KIF1B: variants seen among roughly 807,000 people sequenced by gnomAD.
The protein encoded by KIF1B is kinesin-like protein KIF1B.
In KIF1B, 76 loss-of-function variants were observed where a neutral mutation model predicts 241.9. The ratio of observed to expected loss-of-function variants is 0.31; its 90% CI spans 0.26 to 0.38. The LOEUF (loss-of-function observed/expected upper bound fraction) is 0.38, where lower values mean the gene tolerates loss of function less well. Ranked by LOEUF, KIF1B falls within the 10% of genes least tolerant of loss-of-function variation. The pLI, the probability that KIF1B is intolerant of heterozygous loss-of-function variation, is 1.00. For synonymous variants in KIF1B, 750 were observed against 796.7 expected (o/e 0.94, Z 0.99); for missense variants, 1,622 against 2,271.4 (o/e 0.71, Z 5.81).
chr1:10,300,461 T>C (rs1650487587), intron 22 of KIF1B, among the ~76,000 whole-genome samples: 1 of 150,608 alleles, frequency 6.6e-6, no homozygotes, highest in African/African-American at 2.5e-5. Flanking sequence ...AGATTTTACT[T>C]GAGTTGAGTT....
At chr1:10,215,168 ATATATTTTTTTT>A (rs1292089999) in intron 1 of KIF1B, among the ~76,000 whole-genome samples, 7 of 53,848 alleles carry the variant, frequency 1.3e-4, no homozygotes, top group African/African-American at 7.5e-4. Flanking sequence ...ATATATATAT[ATATATTTTTTTT>A]TTTTTTTTTT....
At chr1:10,254,253 C>G (rs965062633) in intron 2 of KIF1B, among the ~76,000 whole-genome samples, 17 of 152,160 alleles carry the variant, frequency 1.1e-4, no homozygotes, top group African/African-American at 2.4e-5. Flanking sequence ...GGTGAGACTT[C>G]ATGCATTTCA....
Position 10,303,534 on chromosome 1 carries a change from C to G in KIF1B, c.2115+6288C>G. 1 of 1,614,170 alleles carries G rather than the reference C, an allele frequency of 6.2e-7. No homozygotes were observed. Among genetic ancestry groups the G allele is most frequent in the Non-Finnish European group, 8.5e-7 (1 of 1,180,036 alleles). On this transcript the variant is annotated intron_variant, in intron 22 of 48. Transcript: ENST00000676179. This position sits in a 1 kb window ranked among gnomAD's most constrained non-coding sequence, Gnocchi z 5.2. ...GCAAGAAAGACCCCAATGAGCGGGA[C>G]TCCTGGAGGGCAGTGGCCAGGGACG... is the stretch of plus-strand genomic sequence containing the variant.
intron 17 of KIF1B, among the ~76,000 whole-genome samples, chr1:10,293,291 T>C (rs922986209): frequency 6.6e-6 from 1 of 152,168 alleles, no homozygotes; most frequent in Admixed American, 6.5e-5. Flanking sequence ...TAGGATTATA[T>C]AGATTTTAGC....
chr1:10,332,500 C>CTTTTT (rs1557719332), intron 27 of KIF1B, among the ~76,000 whole-genome samples: 2 of 97,838 alleles, frequency 2.0e-5, no homozygotes, highest in East Asian at 3.2e-4. Context: ...AGATAATAGT[C>CTTTTT]ATTTTTTTTT....
chr1:10,352,888 C>G (rs1288376425), intron 38 of KIF1B, 152 bp downstream of exon 38: 2 of 662,920 alleles, frequency 3.0e-6, no homozygotes, highest in Non-Finnish European at 5.5e-6. Context: ...ATTTCTTCAC[C>G]TGCCTGCTGT....
intron 14 of KIF1B, among the ~76,000 whole-genome samples, chr1:10,279,661 C>A (rs984435407): frequency 6.7e-6 from 1 of 148,750 alleles, no homozygotes; most frequent in Non-Finnish European, 1.5e-5. Context: ...TAACTTGGGC[C>A]TCGGAATGAT....
chr1:10,368,655 A>C (rs1164867008), intron 44 of KIF1B, 117 bp downstream of exon 44: 1 of 835,592 alleles, frequency 1.2e-6, no homozygotes, highest in African/African-American at 1.7e-5. Context: ...TGGGCATAGC[A>C]TTGTATTTGA....
intron 40 of KIF1B, among the ~76,000 whole-genome samples, chr1:10,362,453 G>A (rs1638448336): frequency 6.6e-6 from 1 of 150,574 alleles, no homozygotes; most frequent in South Asian, 2.1e-4. Context: ...TCCAGCCTGG[G>A]TGAAACAGTG....
chr1:10,300,237 AAATAATAAT>A (rs367822978), intron 22 of KIF1B, among the ~76,000 whole-genome samples: 25 of 143,912 alleles, frequency 1.7e-4, no homozygotes, highest in African/African-American at 5.3e-4. Flanking sequence ...ACTCAGTGTC[AAATAATAAT>A]AATAATAATA....
At chr1:10,251,624 C>T (rs758076010) in intron 2 of KIF1B, among the ~76,000 whole-genome samples, 2 of 151,562 alleles carry the variant, frequency 1.3e-5, no homozygotes, top group African/African-American at 4.9e-5. Context: ...ATCCTAGATA[C>T]GTGGCAGGCT....
Position 10,378,257 on chromosome 1 carries a change from G to A in KIF1B, c.*1670G>A. 1.4e-6 allele frequency: 1 copy of A among 714,236 alleles called. No homozygotes were observed. Among genetic ancestry groups the A allele is most frequent in the Non-Finnish European group, 2.6e-6 (1 of 383,910 alleles). 44.2% of individuals were successfully genotyped at this position (714,236 alleles called of 1,614,324 possible). A position where few individuals can be genotyped will look rare whatever the true frequency, so the allele number is the denominator to read the frequency against. On this transcript the variant is annotated 3_prime_UTR_variant, in exon 49 of 49. Coordinates refer to ENST00000676179, the MANE Select transcript of KIF1B (RefSeq NM_001365951.3). ...CCCCAGGCTTTGTTGCGTGTTCCCTGCTCCTCTCCATCTGGTGTGGAAACA... is the reference window on the plus strand; with the variant it reads ...CCCCAGGCTTTGTTGCGTGTTCCCTACTCCTCTCCATCTGGTGTGGAAACA...
intron 38 of KIF1B, among the ~76,000 whole-genome samples, chr1:10,353,088 A>G (rs1320198297): frequency 6.6e-6 from 1 of 152,128 alleles, no homozygotes; most frequent in Non-Finnish European, 1.5e-5. Flanking sequence ...CCAAGATTAA[A>G]TTTTTTCCTG....
At chr1:10,213,238 G>GA (rs1646721225) in intron 1 of KIF1B, among the ~76,000 whole-genome samples, 1 of 152,086 alleles carries the variant, frequency 6.6e-6, no homozygotes, top group Admixed American at 6.6e-5. Context: ...ACCTGATTGT[G>GA]AATCTGATAC....
intron 2 of KIF1B, among the ~76,000 whole-genome samples, chr1:10,240,560 C>CA (rs1419845584): frequency 3.3e-5 from 5 of 152,056 alleles, no homozygotes; most frequent in African/African-American, 1.2e-4. Context: ...AAATAGCACT[C>CA]AGAGTGCAGA....
At chr1:10,312,990 C>T (rs1016874182) in intron 22 of KIF1B, among the ~76,000 whole-genome samples, 8 of 151,632 alleles carry the variant, frequency 5.3e-5, no homozygotes, top group African/African-American at 7.3e-5. Flanking sequence ...TCATTTTTAG[C>T]ATTTGCTTAA....
In KIF1B at chr1:10,226,992, A is replaced by C. The variant is rs896367440; in HGVS notation, c.-79-5258A>C. On this transcript the variant is annotated intron_variant, in intron 1 of 48. Transcript: ENST00000676179. ...TCTCAAAAACAAACAAACAAACAAA[A>C]AAATACATTGTATTTGGTTGATAAA... Among the ~76,000 whole-genome samples the C allele has an allele frequency of 4.9e-5, 6 of 122,616 alleles. No homozygotes were observed. The East Asian group carries it at 8.8e-4, about 18-fold the overall frequency. 80.4% of individuals were successfully genotyped at this position (122,616 alleles called of 152,430 possible). A position where few individuals can be genotyped will look rare whatever the true frequency, so the allele number is the denominator to read the frequency against.
intron 44 of KIF1B, among the ~76,000 whole-genome samples, chr1:10,370,244 C>T (rs1474494767): frequency 1.1e-4 from 16 of 151,420 alleles, no homozygotes; most frequent in South Asian, 2.1e-4. Context: ...AGCGAGACTT[C>T]GTCTCTCCAA....
At chr1:10,358,219 G>T (rs187495345) in intron 38 of KIF1B, among the ~76,000 whole-genome samples, 198 of 151,990 alleles carry the variant, frequency 1.3e-3, no homozygotes, top group African/African-American at 4.8e-3. Flanking sequence ...TGTTAACCAG[G>T]TTTCTGCAAG....
Sources: gnomAD v4.1 joint callset for allele counts (sites outside exome capture counted in the v4.1 genomes callset) on GRCh38, gnomAD v4.1.1 for gene constraint, Gnocchi (gnomAD v3.1) non-coding constraint, MANE v1.5 for transcripts, NCBI Gene and HGNC (gene_info 2026-07-23, HGNC 2026-07-21) for gene names.